The following ATP10A variants were observed in gnomAD, a reference collection of about 807,000 sequenced individuals.
ATP10A encodes the protein ATPase phospholipid transporting 10A (putative).
ATP10A carries 111 observed loss-of-function variants against 147.8 expected under a neutral mutation model. The ratio of observed to expected loss-of-function variants is 0.75; its 90% CI spans 0.64 to 0.88. The LOEUF (loss-of-function observed/expected upper bound fraction) is 0.88, where lower values mean the gene tolerates loss of function less well. Ranked by LOEUF, ATP10A falls within the 40% of genes least tolerant of loss-of-function variation. The pLI is 0.00. For synonymous variants in ATP10A, 875 were observed against 841.6 expected, an observed-to-expected ratio of 1.04 and a Z score of -0.69; for missense variants, 1,927 against 1,959.0, an observed-to-expected ratio of 0.98 and a Z score of 0.31.
chr15:25,730,951 A>G (rs920949216), intron 3 of ATP10A, among the ~76,000 whole-genome samples: 15 of 152,300 alleles, frequency 9.8e-5, no homozygotes, highest in African/African-American at 2.6e-4. Context: ...AGTCTAGTTG[A>G]TGCAGTTTAT....
chr15:25,849,845 C>CAA (rs111862725), intron 1 of ATP10A, among the ~76,000 whole-genome samples: 5 of 142,902 alleles, frequency 3.5e-5, no homozygotes, highest in African/African-American at 5.1e-5. Context: ...ATTTTCTTTC[C>CAA]AAAAAAAAAA....
intron 7 of ATP10A, among the ~76,000 whole-genome samples, chr15:25,718,608 AGACT>A (rs1307773052): frequency 6.6e-6 from 1 of 152,168 alleles, no homozygotes. Context: ...TGTTTCACAG[AGACT>A]GACTTTCATC....
At position 25,701,371 on chromosome 15, in the gene ATP10A, C is replaced by A. The variant is rs1055416716; in HGVS notation, c.2760+545G>T. Reference sequence around the variant, plus strand: ...AGAGGCTGTGGTGGCTTTGGCCACACTGGGGAGGAGCAGATCAGCCACAGC... The same window carrying A: ...AGAGGCTGTGGTGGCTTTGGCCACAATGGGGAGGAGCAGATCAGCCACAGC... On this transcript the variant is annotated intron_variant, in intron 13 of 20. Transcript: ENST00000555815. Among the ~76,000 whole-genome samples the A allele has an allele frequency of 5.3e-5, 8 of 152,156 alleles. No individual in the cohort carries two copies. In the South Asian group the frequency reaches 1.0e-3, roughly 20 times the overall value.
At chr15:25,820,259 C>A (rs189053886) in intron 1 of ATP10A, among the ~76,000 whole-genome samples, 51 of 152,202 alleles carry the variant, frequency 3.4e-4, no homozygotes, top group African/African-American at 1.2e-3. Context: ...GGTTTGTCCA[C>A]GGAAGGTAGG....
chr15:25,827,138 A>G (rs1339331017), intron 1 of ATP10A, among the ~76,000 whole-genome samples: 1 of 152,220 alleles, frequency 6.6e-6, no homozygotes, highest in African/African-American at 2.4e-5. Flanking sequence ...TGCTGAAATA[A>G]AGACTGCCAG....
chr15:25,829,392 C>T (rs541022242), intron 1 of ATP10A, among the ~76,000 whole-genome samples: 3 of 152,072 alleles, frequency 2.0e-5, no homozygotes, highest in Non-Finnish European at 4.4e-5. Context: ...AAATGGGATA[C>T]CCAGGAAAAA....
rs545631165 is a variant in ATP10A at position 25,681,036 on chromosome 15, G to A, written c.3531C>T (p.Asp1177=). The change falls in exon 18 of 21, where the codon GAC becomes GAT. Residue 1177 remains aspartate, a synonymous_variant. Transcript: ENST00000555815. ...RPRTFWFNMA[D]AAFQSLVCFS... is the part of the protein sequence containing the mutation. ...AGCAAACCAGGCTCTGGAAGGCGGC[G>A]TCGGCCATGTTAAACCAGAACGTTC... The A allele has an allele frequency of 4.3e-5, 69 of 1,614,128 alleles. No homozygotes were observed. The highest frequency in any genetic ancestry group is 3.0e-4 in the South Asian group (27 of 91,070).
At chr15:25,771,929 T>C (rs1483207326) in intron 2 of ATP10A, among the ~76,000 whole-genome samples, 1 of 151,962 alleles carries the variant, frequency 6.6e-6, no homozygotes, top group African/African-American at 2.4e-5. Context: ...ATTTTTGTAT[T>C]TTAGTAGAGA....
At chr15:25,808,739 C>G (rs939047426) in intron 1 of ATP10A, among the ~76,000 whole-genome samples, 3 of 152,184 alleles carry the variant, frequency 2.0e-5, no homozygotes, top group Non-Finnish European at 4.4e-5. Flanking sequence ...TTACCCCACT[C>G]TTTTCCCCCA....
At chr15:25,842,083 C>G (rs11633552) in intron 1 of ATP10A, among the ~76,000 whole-genome samples, 22,103 of 152,192 alleles carry the variant, frequency 0.15, 1,915 homozygotes, top group Middle Eastern at 0.31. Context: ...GGTGGATGGG[C>G]AAAAGCCCCT....
At position 25,855,061 on chromosome 15, in the gene ATP10A, C is replaced by CAAAA. The variant is rs58243465; in HGVS notation, c.449+7583_449+7586dup. Among the ~76,000 whole-genome samples, 33 of 66,018 alleles carry CAAAA rather than the reference C, an allele frequency of 5.0e-4. 1 individual carries two copies. The highest frequency in any genetic ancestry group is 1.2e-3 in the African/African-American group (30 of 24,428). The allele number at this position is 66,018 out of a possible 152,430, so 43.3% of individuals were successfully genotyped here. ...GCAACAAGAGTGAAACTCCGTCTCACAAAAAAAAAAAAAAAACAGAAAAAA... is the reference window on the plus strand; with the variant it reads ...GCAACAAGAGTGAAACTCCGTCTCACAAAAAAAAAAAAAAAAAAAACAGAAAAAA... On this transcript the variant is annotated intron_variant, in intron 1 of 20. Transcript: ENST00000555815.
intron 2 of ATP10A, among the ~76,000 whole-genome samples, chr15:25,762,613 A>G (rs1008275388): frequency 1.3e-5 from 2 of 151,726 alleles, no homozygotes; most frequent in African/African-American, 4.8e-5. Context: ...ACAGGGTCTC[A>G]CTCTATTGCC....
At chr15:25,740,504 C>T (rs1435728383) in intron 2 of ATP10A, among the ~76,000 whole-genome samples, 1 of 152,222 alleles carries the variant, frequency 6.6e-6, no homozygotes. Flanking sequence ...GGGCCACCGC[C>T]TGCACCAGCA....
Position 25,713,747 on chromosome 15 carries a change from A to C in ATP10A, c.2271T>G (p.Leu757=), listed in dbSNP as rs1187676381. The change falls in exon 10 of 21, where the codon CTT becomes CTG. Residue 757 remains leucine, a synonymous_variant. Coordinates refer to ENST00000555815, the MANE Select transcript of ATP10A (RefSeq NM_024490.4). ...TGGTGTAGACGTTGATCTCATCGGTAAGCGGGTGCCGGATCACCACTGACA... is the reference window on the plus strand; with the variant it reads ...TGGTGTAGACGTTGATCTCATCGGTCAGCGGGTGCCGGATCACCACTGACA... ...KRMSVVIRHP[L]TDEINVYTKG... is the part of the protein sequence containing the mutation. 6.2e-7 allele frequency: 1 copy of C among 1,613,986 alleles called. No individual in the cohort carries two copies. The highest frequency in any genetic ancestry group is 8.5e-7 in the Non-Finnish European group (1 of 1,180,028).
intron 9 of ATP10A, 64 bp from the exon 10 acceptor site, chr15:25,714,305 G>A (rs1000445123): frequency 2.7e-6 from 4 of 1,484,778 alleles, no homozygotes; most frequent in Non-Finnish European, 3.7e-6. Flanking sequence ...GCCCCACCCT[G>A]GTTCCCACAG....
intron 12 of ATP10A, among the ~76,000 whole-genome samples, chr15:25,702,830 C>T (rs1900750064): frequency 1.3e-5 from 2 of 151,468 alleles, no homozygotes; most frequent in Non-Finnish European, 2.9e-5. Context: ...AAGTGAGCTG[C>T]AGCCCTGGTC....
intron 11 of ATP10A, 31 bp from the exon 12 acceptor site, chr15:25,708,133 C>A: frequency 1.2e-6 from 2 of 1,613,174 alleles, no homozygotes; most frequent in South Asian, 1.1e-5. Context: ...AGTGCTGCAC[C>A]GGGCGCTGCT....
intron 13 of ATP10A, among the ~76,000 whole-genome samples, chr15:25,700,058 C>G (rs1277987628): frequency 6.6e-6 from 1 of 151,928 alleles, no homozygotes; most frequent in African/African-American, 2.4e-5. Context: ...GAAAACAACT[C>G]AATTAGAAAA....
intron 4 of ATP10A, among the ~76,000 whole-genome samples, chr15:25,726,780 G>A (rs187856647): frequency 2.0e-5 from 3 of 151,188 alleles, no homozygotes; most frequent in Middle Eastern, 3.4e-3. Context: ...GGCCGGGCAC[G>A]GTGACTCATG....
Sources: allele counts gnomAD v4.1 joint callset (sites outside exome capture counted in the v4.1 genomes callset), GRCh38; gene constraint gnomAD v4.1.1; transcripts MANE v1.5; gene names NCBI Gene and HGNC (gene_info 2026-07-23, HGNC 2026-07-21).